The following MIB1 variants were observed in gnomAD, a reference collection of about 807,000 sequenced individuals.
MIB1 encodes E3 ubiquitin-protein ligase MIB1.
Under a neutral mutation model 124.5 loss-of-function variants are expected in MIB1, and 278 were observed. The observed-to-expected ratio is 2.23, with a 90% confidence interval of 2.02 to 2.47. The LOEUF (loss-of-function observed/expected upper bound fraction) is 2.47. MIB1 is among the 30% of genes most tolerant of loss of function. MIB1 has a pLI of 0.00. For missense variants in MIB1, 957 were observed against 1,254.4 expected, an observed-to-expected ratio of 0.76 and a Z score of 3.58; for synonymous variants, 446 against 429.4, an observed-to-expected ratio of 1.04 and a Z score of -0.48.
chr18:21,733,786 A>C (rs2040782990), intron 1 of MIB1, among the ~76,000 whole-genome samples: 1 of 151,212 alleles, frequency 6.6e-6, no homozygotes, highest in Non-Finnish European at 1.5e-5. Flanking sequence ...GCTCACTGCA[A>C]CCTCTGCTTC....
intron 4 of MIB1, 68 bp from the exon 5 acceptor site, chr18:21,778,035 G>T: frequency 1.9e-6 from 2 of 1,043,360 alleles, no homozygotes; most frequent in Non-Finnish European, 3.0e-6. Flanking sequence ...GAATATTCTT[G>T]CCTGTTTCAG....
At chr18:21,749,170 A>G (rs1172817341) in intron 1 of MIB1, among the ~76,000 whole-genome samples, 1 of 152,044 alleles carries the variant, frequency 6.6e-6, no homozygotes, top group African/African-American at 2.4e-5. Context: ...TGTACTTCCT[A>G]TATGGTAAAA....
At chr18:21,726,080 G>T (rs903665135) in intron 1 of MIB1, among the ~76,000 whole-genome samples, 2 of 152,108 alleles carry the variant, frequency 1.3e-5, no homozygotes, top group African/African-American at 4.8e-5. Context: ...CATTTAAGTT[G>T]AAAAAGAATG....
At chr18:21,712,156 AAAC>A (rs1259127905) in intron 1 of MIB1, 3 of 156,476 alleles carry the variant, frequency 1.9e-5, no homozygotes, top group Non-Finnish European at 4.3e-5. Context: ...TCTGTACCTG[AAAC>A]AACAGACCTA....
At chr18:21,770,268 C>G (rs932156782) in intron 3 of MIB1, among the ~76,000 whole-genome samples, 1 of 152,146 alleles carries the variant, frequency 6.6e-6, no homozygotes, top group Admixed American at 6.6e-5. Context: ...ACATGTGACT[C>G]CAAGTGAGGG....
intron 19 of MIB1, among the ~76,000 whole-genome samples, chr18:21,858,236 G>A (rs949053542): frequency 1.3e-5 from 2 of 152,208 alleles, no homozygotes; most frequent in Non-Finnish European, 2.9e-5. Context: ...AGCATAAAAT[G>A]TATTGATGAG....
At chr18:21,855,100 G>C (rs1179077935) in intron 18 of MIB1, 1 of 152,184 alleles carries the variant, frequency 6.6e-6, no homozygotes, top group Non-Finnish European at 1.5e-5. Context: ...TCTGTACCAG[G>C]CATTTTAATC....
At chr18:21,727,850 A>C (rs190002766) in intron 1 of MIB1, among the ~76,000 whole-genome samples, 66 of 152,304 alleles carry the variant, frequency 4.3e-4, no homozygotes, top group Middle Eastern at 6.8e-3. Context: ...CGGGTTCTAC[A>C]GCTGCAAGAA....
rs117885009 is a variant in MIB1 at position 21,742,111 on chromosome 18, T to G, written c.229+299T>G. Among the ~76,000 whole-genome samples, 1,144 of 152,160 alleles carry G rather than the reference T, an allele frequency of 7.5e-3. 33 individuals are homozygous for G. The highest frequency in any genetic ancestry group is 0.064 in the East Asian group (331 of 5,158). On this transcript the variant is annotated intron_variant, in intron 1 of 20. Coordinates refer to ENST00000261537, the MANE Select transcript of MIB1 (RefSeq NM_020774.4). Reference sequence around the variant, plus strand: ...ACAGACACAGGTCCCCCAACCCGACTCCTCCTCTTGGGAAGGGGTCTGGAG... The same window carrying G: ...ACAGACACAGGTCCCCCAACCCGACGCCTCCTCTTGGGAAGGGGTCTGGAG...
At position 21,866,398 on chromosome 18, in the gene MIB1, C is replaced by CCGA. The variant is rs1354450813; in HGVS notation, c.*1735_*1737dup. On this transcript the variant is annotated 3_prime_UTR_variant, in exon 21 of 21. Coordinates refer to ENST00000261537, the MANE Select transcript of MIB1 (RefSeq NM_020774.4). ...CACTCAGTTATCTAATAAGGGGCCACCGACGCTGTTTTTAAAACTATTTTG... is the reference window on the plus strand; with the variant it reads ...CACTCAGTTATCTAATAAGGGGCCACCGACGACGCTGTTTTTAAAACTATTTTG... 2.6e-5 allele frequency: 4 copies of CCGA among 152,094 alleles called. No homozygotes were observed. The highest frequency in any genetic ancestry group is 9.7e-5 in the African/African-American group (4 of 41,412). 9.4% of individuals were successfully genotyped at this position (152,094 alleles called of 1,614,324 possible). A position where few individuals can be genotyped will look rare whatever the true frequency, so the allele number is the denominator to read the frequency against.
In MIB1 at chr18:21,755,990, A is replaced by G. The variant is rs1021435620; in HGVS notation, c.230-9782A>G. On this transcript the variant is annotated intron_variant, in intron 1 of 20. Transcript: ENST00000261537. ...TTGTGGCAGTTTTGCAGGGCTAGTG[A>G]TAATAAATCCCGAGAGCTTTGAATT... 1.2e-4 allele frequency among the ~76,000 whole-genome samples: 18 copies of G among 152,140 alleles called. 1 individual carries two copies. The highest frequency in any genetic ancestry group is 9.2e-4 in the Admixed American group (14 of 15,278).
At chr18:21,804,966 A>G (rs1598619600) in intron 10 of MIB1, among the ~76,000 whole-genome samples, 1 of 152,104 alleles carries the variant, frequency 6.6e-6, no homozygotes, top group South Asian at 2.1e-4. Context: ...CAGGTCATCT[A>G]TAATGTTGGA....
intron 15 of MIB1, among the ~76,000 whole-genome samples, chr18:21,845,249 A>G (rs2042125429): frequency 1.3e-5 from 2 of 152,140 alleles, no homozygotes; most frequent in Admixed American, 1.3e-4. Flanking sequence ...TGACCTCGTG[A>G]TCTGCCTGCC....
Position 21,844,133 on chromosome 18 carries a change from G to T in MIB1, c.2091G>T (p.Lys697Asn). The T allele has an allele frequency of 6.2e-7, 1 of 1,614,054 alleles. No homozygotes were observed. The highest frequency in any genetic ancestry group is 8.5e-7 in the Non-Finnish European group (1 of 1,180,008). ...RAGAKLDIQD[K>N]DGDTPLHEAL... Reference sequence around the variant, plus strand: ...GTGCCAAGCTTGATATTCAGGATAAGGATGGGGATACTCCTTTGCATGAAG... The same window carrying T: ...GTGCCAAGCTTGATATTCAGGATAATGATGGGGATACTCCTTTGCATGAAG... Residue 697 changes from lysine (K) to asparagine (N), a missense_variant, in exon 15 of 21, where the codon AAG becomes AAT. Lys to Asn is a moderately conservative substitution (Grantham distance 94). Coordinates refer to ENST00000261537, the MANE Select transcript of MIB1 (RefSeq NM_020774.4).
intron 1 of MIB1, among the ~76,000 whole-genome samples, chr18:21,732,516 C>T (rs997961724): frequency 1.4e-4 from 21 of 151,884 alleles, no homozygotes; most frequent in Admixed American, 1.2e-3. Flanking sequence ...TCCACCTCAG[C>T]CTCCTGAGTA....
intron 12 of MIB1, among the ~76,000 whole-genome samples, chr18:21,836,787 C>CTCACA (rs2042037369): frequency 6.6e-6 from 1 of 152,074 alleles, no homozygotes; most frequent in Admixed American, 6.5e-5. Context: ...AATTTTGTTT[C>CTCACA]TCACATGCTC....
chr18:21,836,152 G>A (rs1180651246), intron 12 of MIB1, among the ~76,000 whole-genome samples: 1 of 151,976 alleles, frequency 6.6e-6, no homozygotes, highest in Non-Finnish European at 1.5e-5. Context: ...TACTCGGGAG[G>A]CTAAGGCAGG....
chr18:21,793,018 G>A lies in MIB1; in HGVS notation c.1092+1461G>A, dbSNP rs72639436. Reference sequence around the variant, plus strand: ...GAGTAACCTGTTGAACCCTAAATATGAATGAGTAGAGATAAACCACTGACA... The same window carrying A: ...GAGTAACCTGTTGAACCCTAAATATAAATGAGTAGAGATAAACCACTGACA... On this transcript the variant is annotated intron_variant, in intron 7 of 20. Coordinates refer to ENST00000261537, the MANE Select transcript of MIB1 (RefSeq NM_020774.4). Among the ~76,000 whole-genome samples the A allele has an allele frequency of 9.2e-3, 1,400 of 152,306 alleles. 85 individuals carry two copies. The East Asian group carries it at 0.19, about 20-fold the overall frequency.
intron 10 of MIB1, among the ~76,000 whole-genome samples, chr18:21,811,294 C>T (rs929901852): frequency 1.3e-5 from 2 of 152,074 alleles, no homozygotes; most frequent in African/African-American, 4.8e-5. Flanking sequence ...ATAGCCACTG[C>T]TGAAAAGAAT....
Sources: allele counts gnomAD v4.1 joint callset (sites outside exome capture counted in the v4.1 genomes callset), GRCh38; gene constraint gnomAD v4.1.1; transcripts MANE v1.5; gene names NCBI Gene and HGNC (gene_info 2026-07-23, HGNC 2026-07-21).